CARD9: variants seen among roughly 807,000 people sequenced by gnomAD.
CARD9 encodes the protein caspase recruitment domain-containing protein 9.
CARD9 carries 53 observed loss-of-function variants against 66.0 expected under a neutral mutation model. The ratio of observed to expected loss-of-function variants is 0.80; its 90% CI spans 0.64 to 1.01. The LOEUF (loss-of-function observed/expected upper bound fraction) is 1.01. Ranked by LOEUF, CARD9 falls within the 50% of genes least tolerant of loss-of-function variation. The pLI is 0.00. For synonymous variants in CARD9, 387 were observed against 313.8 expected (o/e 1.23, Z -2.47); for missense variants, 769 against 743.2 (o/e 1.03, Z -0.40).
chr9:136,373,461 G>C (rs572493624), intron 1 of CARD9, 71 bp downstream of exon 1: 1 of 979,466 alleles, frequency 1.0e-6, no homozygotes, highest in African/African-American at 1.7e-5. Context: ...TGGGGGATCA[G>C]TGCCAGGATC....
chr9:136,368,024 T>A, intron 7 of CARD9, 196 bp from the exon 8 acceptor site: 1 of 1,416,834 alleles, frequency 7.1e-7, no homozygotes, highest in Non-Finnish European at 9.2e-7. Context: ...GTGACAGTTG[T>A]CCCTGCTGCC....
Position 136,364,464 on chromosome 9 carries a change from C to T in CARD9, c.1511+19G>A, listed in dbSNP as rs1016041460. 8.4e-6 allele frequency: 13 copies of T among 1,540,578 alleles called. No homozygotes were observed. The highest frequency in any genetic ancestry group is 1.1e-5 in the Non-Finnish European group (13 of 1,146,888). On this transcript the variant is annotated intron_variant, in intron 12 of 12. Transcript: ENST00000371732. ...GCTCCCCAGCCCGTTTTGGAGAAGC[C>T]TGGGGGCCGCCCGCCTACCTGCGGT... is the stretch of plus-strand genomic sequence containing the variant.
Position 136,370,610 on chromosome 9 carries a change from T to TGCTCCATGGCGTGCCTGAGCTTCA in CARD9, c.695_718dup (p.Leu232_Glu239dup). ...CCACAGCAGCTCCTGGCTGGGCCGCTGCTCCATGGCGTGCCTGAGCTTCAG... is the reference window on the plus strand; with the variant it reads ...CCACAGCAGCTCCTGGCTGGGCCGCTGCTCCATGGCGTGCCTGAGCTTCAGCTCCATGGCGTGCCTGAGCTTCAG... On this transcript the variant is annotated inframe_insertion, in exon 5 of 13. Coordinates refer to ENST00000371732, the MANE Select transcript of CARD9 (RefSeq NM_052813.5). 1 of 1,612,694 alleles carries TGCTCCATGGCGTGCCTGAGCTTCA rather than the reference T, an allele frequency of 6.2e-7. No homozygotes were observed. Among genetic ancestry groups the TGCTCCATGGCGTGCCTGAGCTTCA allele is most frequent in the Non-Finnish European group, 8.5e-7 (1 of 1,179,892 alleles).
Position 136,364,088 on chromosome 9 carries a change from GTGAGCA to G in CARD9, c.*208_*213del. The G allele has an allele frequency of 6.5e-7, 1 of 1,550,104 alleles. No homozygotes were observed. Among genetic ancestry groups the G allele is most frequent in the Non-Finnish European group, 8.7e-7 (1 of 1,146,520 alleles). ...CACAGATGGCGTGTGCATGGGGGTGGTGAGCACCCGCATGGCCTCCGCAAAATGAGT... is the reference window on the plus strand; with the variant it reads ...CACAGATGGCGTGTGCATGGGGGTGGCCCGCATGGCCTCCGCAAAATGAGT... On this transcript the variant is annotated 3_prime_UTR_variant, in exon 13 of 13. Transcript: ENST00000371732.
At position 136,371,891 on chromosome 9, in the gene CARD9, T is replaced by A; in HGVS notation, c.184+4A>T. On this transcript the variant is annotated splice_donor_region_variant and intron_variant, in intron 2 of 12. Transcript: ENST00000371732. ...GGGCCTGGGGCCCGCGGGGCAACACTGACCCACTTTCCGTTTGCGGATGAC... is the reference window on the plus strand; with the variant it reads ...GGGCCTGGGGCCCGCGGGGCAACACAGACCCACTTTCCGTTTGCGGATGAC... 1 of 1,596,568 alleles carries A rather than the reference T, an allele frequency of 6.3e-7. No individual in the cohort carries two copies. The highest frequency in any genetic ancestry group is 8.6e-7 in the Non-Finnish European group (1 of 1,167,998).
rs955773907 is a variant in CARD9 at position 136,364,095 on chromosome 9, C to T, written c.*207G>A. 5 of 1,550,378 alleles carry T rather than the reference C, an allele frequency of 3.2e-6. No individual in the cohort carries two copies. Among genetic ancestry groups the T allele is most frequent in the African/African-American group, 2.7e-5 (2 of 73,062 alleles). ...GGCGTGTGCATGGGGGTGGTGAGCA[C>T]CCGCATGGCCTCCGCAAAATGAGTG... On this transcript the variant is annotated 3_prime_UTR_variant, in exon 13 of 13. Coordinates refer to ENST00000371732, the MANE Select transcript of CARD9 (RefSeq NM_052813.5).
intron 1 of CARD9, 51 bp from the exon 2 acceptor site, chr9:136,372,145 C>CG: frequency 6.3e-7 from 1 of 1,595,956 alleles, no homozygotes; most frequent in Non-Finnish European, 8.5e-7. Flanking sequence ...TGCCCCCACC[C>CG]GGGCCCAGCT....
intron 1 of CARD9, among the ~76,000 whole-genome samples, chr9:136,372,890 C>G (rs530791066): frequency 6.6e-6 from 1 of 152,218 alleles, no homozygotes; most frequent in South Asian, 2.1e-4. Flanking sequence ...GTTGAGGTGC[C>G]GGGCACCAGT....
chr9:136,368,008 G>C, intron 7 of CARD9, 180 bp from the exon 8 acceptor site: 1 of 1,420,214 alleles, frequency 7.0e-7, no homozygotes. Context: ...GTGGGGGATT[G>C]TAAATGTGAC....
At chr9:136,364,952 C>T (rs1833084102) in intron 11 of CARD9, 189 bp downstream of exon 11, 2 of 591,690 alleles carry the variant, frequency 3.4e-6, no homozygotes, top group Non-Finnish European at 5.9e-6. Context: ...GCTGCAGTGC[C>T]CAAGAAAGGG....
In CARD9 at chr9:136,366,842, A is replaced by C. The variant is rs753366983; in HGVS notation, c.1315T>G (p.Ser439Ala). 1.1e-5 allele frequency: 18 copies of C among 1,612,966 alleles called. No individual in the cohort carries two copies. Among genetic ancestry groups the C allele is most frequent in the Non-Finnish European group, 1.5e-5 (18 of 1,179,912 alleles). The part of the protein sequence containing the change: ...DGSPRRSQEL[S>A]LPQDLEDTQL... Reference sequence around the variant, plus strand: ...GTGTCCTCCAGGTCCTGGGGGAGTGAGAGCTTCCAAAGAGAGTCAAGATGT... The same window carrying C: ...GTGTCCTCCAGGTCCTGGGGGAGTGCGAGCTTCCAAAGAGAGTCAAGATGT... The change falls in exon 10 of 13, where the codon TCA (serine) becomes GCA (alanine). Residue 439 changes from serine (S) to alanine (A), a missense_variant. Coordinates refer to ENST00000371732, the MANE Select transcript of CARD9 (RefSeq NM_052813.5).
chr9:136,364,325 T>C lies in CARD9; in HGVS notation c.1588A>G (p.Asn530Asp). 6.4e-7 allele frequency: 1 copy of C among 1,564,178 alleles called. No individual in the cohort carries two copies. Among genetic ancestry groups the C allele is most frequent in the Non-Finnish European group, 8.7e-7 (1 of 1,155,134 alleles). Residue 530 changes from asparagine to aspartate, a missense_variant, in exon 13 of 13, where the codon AAC becomes GAC. Physicochemically the swap from Asn to Asp is conservative, Grantham distance 23. Coordinates refer to ENST00000371732, the MANE Select transcript of CARD9 (RefSeq NM_052813.5). ...EDRENTTGSD[N>D]TDTEGS ...GGCTAGGAGCCCTCAGTGTCGGTGT[T>C]GTCGCTGCCCGTGGTGTTCTCCCGG...
At position 136,367,646 on chromosome 9, in the gene CARD9, C is replaced by G. The variant is rs142757984; in HGVS notation, c.1260G>C (p.Thr420=). Residue 420 remains threonine (T), a synonymous_variant, in exon 8 of 13, where the codon ACG becomes ACC. Coordinates refer to ENST00000371732, the MANE Select transcript of CARD9 (RefSeq NM_052813.5). ...EGRLRRQQLE[T]LVLSSDLEDG... is the part of the protein sequence containing the mutation. ...CAGGCCCCAGGCCCACCAGGACGAG[C>G]GTCTCCAGCTGCTGCCGCCTGAGCC... is the stretch of plus-strand genomic sequence containing the variant. The G allele has an allele frequency of 6.3e-7, 1 of 1,587,398 alleles. No individual in the cohort carries two copies. The highest frequency in any genetic ancestry group is 1.1e-5 in the South Asian group (1 of 88,710).
Position 136,372,021 on chromosome 9 carries a change from T to A in CARD9, c.58A>T (p.Thr20Ser). 1 of 1,612,754 alleles carries A rather than the reference T, an allele frequency of 6.2e-7. No homozygotes were observed. The highest frequency in any genetic ancestry group is 8.5e-7 in the Non-Finnish European group (1 of 1,179,956). Residue 20 changes from threonine to serine, a missense_variant, in exon 2 of 13, where the codon ACG (threonine) becomes TCG (serine). By Grantham distance (58) the Thr-to-Ser change is moderately conservative. Coordinates refer to ENST00000371732, the MANE Select transcript of CARD9 (RefSeq NM_052813.5). ...GAGGGGTCGATGACCGAGGTGAGCG[T>A]CACCCGGAAGCCCTCCAGGACGCTC... The part of the protein sequence containing the change: ...CWSVLEGFRV[T>S]LTSVIDPSRI...
chr9:136,370,506 C>T lies in CARD9; in HGVS notation c.807+16G>A, dbSNP rs768146204. On this transcript the variant is annotated intron_variant, in intron 5 of 12. Transcript: ENST00000371732. The stretch of plus-strand genomic sequence containing the variant: ...CTGCCCTGCCTGGGCTGCACCTGCC[C>T]TGCCTACGGCCCCACCTGGACGGAG... The T allele has an allele frequency of 6.2e-7, 1 of 1,600,800 alleles. No homozygotes were observed. Among genetic ancestry groups the T allele is most frequent in the Non-Finnish European group, 8.5e-7 (1 of 1,175,386 alleles).
At chr9:136,373,235 T>C (rs1016671767) in intron 1 of CARD9, among the ~76,000 whole-genome samples, 12 of 152,322 alleles carry the variant, frequency 7.9e-5, no homozygotes, top group Non-Finnish European at 1.5e-4. Context: ...TTCAGGACAG[T>C]TTTGACAGAC....
At chr9:136,371,496 A>C in intron 2 of CARD9, 35 bp from the exon 3 acceptor site, 2 of 1,417,094 alleles carry the variant, frequency 1.4e-6, no homozygotes, top group Middle Eastern at 2.1e-4. Context: ...GGGGCGGGGC[A>C]CAGGCGAGGC....
At chr9:136,371,526 G>GGC in intron 2 of CARD9, 65 bp from the exon 3 acceptor site, 13 of 516,016 alleles carry the variant, frequency 2.5e-5, no homozygotes, top group East Asian at 4.7e-5. Flanking sequence ...GGGTGGGTGG[G>GGC]CCTGGGGGCA....
At chr9:136,372,717 G>A (rs1052264336) in intron 1 of CARD9, among the ~76,000 whole-genome samples, 4 of 152,228 alleles carry the variant, frequency 2.6e-5, no homozygotes, top group Admixed American at 6.5e-5. Context: ...TGATGCAAGA[G>A]TGGCCACCCA....
Sources: allele counts gnomAD v4.1 joint callset (sites outside exome capture counted in the v4.1 genomes callset), GRCh38; gene constraint gnomAD v4.1.1; transcripts MANE v1.5; gene names NCBI Gene and HGNC (gene_info 2026-07-23, HGNC 2026-07-21).